Variants in BICRAL observed in about 807,000 individuals in gnomAD.
The protein encoded by BICRAL is BRD4-interacting chromatin-remodeling complex-associated protein-like.
In BICRAL, 8 loss-of-function variants were observed where a neutral mutation model predicts 91.8. The ratio of observed to expected loss-of-function variants is 0.09; its 90% CI spans 0.05 to 0.16. BICRAL has a LOEUF of 0.16. Ranked by LOEUF, BICRAL falls within the 10% of genes least tolerant of loss-of-function variation. BICRAL has a pLI of 1.00. For missense variants in BICRAL, 1,038 were observed against 1,310.9 expected, an observed-to-expected ratio of 0.79 and a Z score of 3.21; for synonymous variants, 445 against 491.1, an observed-to-expected ratio of 0.91 and a Z score of 1.24.
chr6:42,759,588 G>A (rs1582800175), intron 1 of BICRAL, among the ~76,000 whole-genome samples: 1 of 152,148 alleles, frequency 6.6e-6, no homozygotes, highest in East Asian at 1.9e-4. Flanking sequence ...TGGGTCTGTG[G>A]TGATCTTGGT....
At chr6:42,827,827 G>T (rs1456776150) in intron 5 of BICRAL, among the ~76,000 whole-genome samples, 1 of 152,184 alleles carries the variant, frequency 6.6e-6, no homozygotes. Context: ...CACAGCAGCA[G>T]TGAGTTATTA....
At chr6:42,756,652 A>G (rs1242983998) in intron 1 of BICRAL, among the ~76,000 whole-genome samples, 1 of 151,268 alleles carries the variant, frequency 6.6e-6, no homozygotes, top group East Asian at 1.9e-4. Flanking sequence ...TTTTTTCTAT[A>G]CGTAAGTCTG....
chr6:42,792,946 C>T (rs2113881876), intron 1 of BICRAL, among the ~76,000 whole-genome samples: 1 of 150,344 alleles, frequency 6.7e-6, no homozygotes, highest in Non-Finnish European at 1.5e-5. Flanking sequence ...AAGAAATTGG[C>T]TGGCTGGTTT....
At chr6:42,857,594 GT>G (rs1249719682) in intron 10 of BICRAL, among the ~76,000 whole-genome samples, 1 of 94,384 alleles carries the variant, frequency 1.1e-5, no homozygotes, top group Non-Finnish European at 2.0e-5. Flanking sequence ...GGGAGACACT[GT>G]CTCTTAAAAA....
At chr6:42,857,637 T>TTA (rs1554283198) in intron 10 of BICRAL, among the ~76,000 whole-genome samples, 6 of 94,172 alleles carry the variant, frequency 6.4e-5, no homozygotes, top group African/African-American at 2.7e-4. Flanking sequence ...ATATATATAT[T>TTA]TTTTAGGAGG....
rs1762499706 is a variant in BICRAL at position 42,758,781 on chromosome 6, A to ATTCTTTCTTTCTGCAGG, written c.-261+11759_-261+11760insTCTTTCTTTCTGCAGGT. Among the ~76,000 whole-genome samples, 5 of 151,642 alleles carry ATTCTTTCTTTCTGCAGG rather than the reference A, an allele frequency of 3.3e-5. 1 individual carries two copies. The South Asian group carries it at 1.0e-3, about 32-fold the overall frequency. ...AGGTGAAGGGTGAAAGCAGAGTCAC[A>ATTCTTTCTTTCTGCAGG]TATTCATTCTTTCTTTCTGCAGGTA... On this transcript the variant is annotated intron_variant, in intron 1 of 14. Transcript: ENST00000614467.
At chr6:42,823,450 A>G (rs1047533449) in intron 5 of BICRAL, among the ~76,000 whole-genome samples, 2 of 152,182 alleles carry the variant, frequency 1.3e-5, no homozygotes, top group Admixed American at 6.6e-5. Context: ...AAGAAAATCT[A>G]TTGAATTATG....
intron 10 of BICRAL, among the ~76,000 whole-genome samples, chr6:42,859,436 T>C (rs1343248486): frequency 4.7e-5 from 7 of 150,290 alleles, no homozygotes. Flanking sequence ...AGAAGAAGAA[T>C]GAATTAGAAG....
intron 12 of BICRAL, among the ~76,000 whole-genome samples, chr6:42,863,909 A>G (rs563831490): frequency 2.0e-5 from 3 of 152,232 alleles, no homozygotes; most frequent in Admixed American, 2.0e-4. Context: ...CACGCCTGTA[A>G]TCTCAGCACT....
intron 1 of BICRAL, among the ~76,000 whole-genome samples, chr6:42,809,023 G>C (rs1166303726): frequency 6.6e-6 from 1 of 151,742 alleles, no homozygotes; most frequent in African/African-American, 2.4e-5. Flanking sequence ...TTTGCCAGCT[G>C]GATTGCTTAG....
chr6:42,825,288 GGC>G (rs1472891737), intron 5 of BICRAL, among the ~76,000 whole-genome samples: 4 of 147,322 alleles, frequency 2.7e-5, no homozygotes, highest in Non-Finnish European at 4.5e-5. Context: ...AAATTGGCTG[GGC>G]GCGGTGGCTC....
chr6:42,753,200 T>C (rs1378436432), intron 1 of BICRAL, among the ~76,000 whole-genome samples: 1 of 151,732 alleles, frequency 6.6e-6, no homozygotes, highest in Non-Finnish European at 1.5e-5. Context: ...GTGCTAGGAT[T>C]ACAGGCATGA....
At chr6:42,798,201 G>T (rs926039856) in intron 1 of BICRAL, among the ~76,000 whole-genome samples, 2 of 152,022 alleles carry the variant, frequency 1.3e-5, no homozygotes, top group African/African-American at 4.8e-5. Flanking sequence ...GGGTAGGGAG[G>T]GAGGGAAGTG....
intron 10 of BICRAL, among the ~76,000 whole-genome samples, chr6:42,857,637 T>TATATATATATATATATATATATTA (rs1554283197): frequency 1.1e-5 from 1 of 94,216 alleles, no homozygotes; most frequent in African/African-American, 6.8e-5. Context: ...ATATATATAT[T>TATATATATATATATATATATATTA]TTTTAGGAGG....
At chr6:42,832,779 C>T (rs969646485) in intron 6 of BICRAL, among the ~76,000 whole-genome samples, 3 of 151,924 alleles carry the variant, frequency 2.0e-5, no homozygotes, top group African/African-American at 4.8e-5. Flanking sequence ...GAGTAAATTA[C>T]AGACCTGATG....
At chr6:42,864,116 G>A (rs528221412) in intron 12 of BICRAL, among the ~76,000 whole-genome samples, 33 of 150,712 alleles carry the variant, frequency 2.2e-4, no homozygotes, top group African/African-American at 6.8e-4. Flanking sequence ...GCAGTGAGCC[G>A]AGATCACGCC....
In BICRAL at chr6:42,864,697, G is replaced by A. The variant is rs1415870707; in HGVS notation, c.2491G>A (p.Asp831Asn). 6.2e-7 allele frequency: 1 copy of A among 1,614,012 alleles called. No individual in the cohort carries two copies. The highest frequency in any genetic ancestry group is 8.5e-7 in the Non-Finnish European group (1 of 1,179,982). The change falls in exon 13 of 13, where the codon GAT (aspartate) becomes AAT (asparagine). Residue 831 changes from aspartate (D) to asparagine (N), a missense_variant. By Grantham distance (23) the Asp-to-Asn change is conservative (BLOSUM62 1). Transcript: ENST00000314073. ...TGATTTCTGTTGTTCCTTCAAACTT[G>A]ATAAAGCTGCTCATGAGACACAGTT... ...QADFCCSFKL[D>N]KAAHETQFGR...
At chr6:42,822,754 ATTTG>A (rs1231855266) in intron 3 of BICRAL, 38 bp from the exon 4 acceptor site, 15 of 1,117,756 alleles carry the variant, frequency 1.3e-5, no homozygotes, top group Non-Finnish European at 1.8e-5. Flanking sequence ...TAGATAGTAT[ATTTG>A]TTTGTTGTTT....
chr6:42,859,774 T>G (rs1765495123), intron 10 of BICRAL, among the ~76,000 whole-genome samples: 1 of 152,046 alleles, frequency 6.6e-6, no homozygotes, highest in African/African-American at 2.4e-5. Flanking sequence ...CTCGAGTAGC[T>G]GGGACTAGAG....
Sources: gnomAD v4.1 joint callset for allele counts (sites outside exome capture counted in the v4.1 genomes callset) on GRCh38, gnomAD v4.1.1 for gene constraint, MANE v1.5 for transcripts, NCBI Gene and HGNC (gene_info 2026-07-23, HGNC 2026-07-21) for gene names.